The following SEMA3E variants were observed in gnomAD, a reference collection of about 807,000 sequenced individuals.
SEMA3E encodes the protein semaphorin 3E, also known as semaphorin-3E.
In SEMA3E, 49 loss-of-function variants were observed where a neutral mutation model predicts 93.6. The observed-to-expected ratio is 0.52, with a 90% CI of 0.42 to 0.66. The LOEUF is 0.66. Ranked by LOEUF, SEMA3E falls within the 30% of genes least tolerant of loss-of-function variation. The pLI, the probability that SEMA3E is intolerant of heterozygous loss-of-function variation, is 0.00. For synonymous variants in SEMA3E, 363 were observed against 330.7 expected, an observed-to-expected ratio of 1.10 and a Z score of -1.06; for missense variants, 906 against 964.8, an observed-to-expected ratio of 0.94 and a Z score of 0.81.
chr7:83,490,623 T>A (rs1487155310), intron 1 of SEMA3E, among the ~76,000 whole-genome samples: 1 of 152,028 alleles, frequency 6.6e-6, no homozygotes, highest in Non-Finnish European at 1.5e-5. Context: ...CCAGAGTGTG[T>A]TTATTAAATT....
chr7:83,438,381 C>A (rs1268236927), intron 4 of SEMA3E, among the ~76,000 whole-genome samples: 1 of 151,896 alleles, frequency 6.6e-6, no homozygotes, highest in African/African-American at 2.4e-5. Flanking sequence ...CAAAGCAGGC[C>A]CATACTTAAA....
chr7:83,630,740 C>T (rs1161505401), intron 1 of SEMA3E, among the ~76,000 whole-genome samples: 2 of 151,892 alleles, frequency 1.3e-5, no homozygotes, highest in African/African-American at 4.8e-5. Context: ...CTCAAAATTC[C>T]AAGACAGTAT....
chr7:83,463,133 T>C (rs1290038660), intron 4 of SEMA3E, among the ~76,000 whole-genome samples: 1 of 148,458 alleles, frequency 6.7e-6, no homozygotes, highest in Non-Finnish European at 1.5e-5. Context: ...CTCCCTGCAA[T>C]CGTGTCCGAC....
At position 83,363,860 on chromosome 7, in the gene SEMA3E, A is replaced by ACTTTTT. The variant is rs1794622262; in HGVS notation, c.*3725_*3726insAAAAAG. The ACTTTTT allele has an allele frequency of 1.3e-5, 1 of 76,922 alleles. No homozygotes were observed. Among genetic ancestry groups the ACTTTTT allele is most frequent in the African/African-American group, 5.0e-5 (1 of 20,066 alleles). The allele number at this position is 76,922 out of a possible 1,614,324, so 4.8% of individuals were successfully genotyped here. A position where few individuals can be genotyped will look rare whatever the true frequency, so the allele number is the denominator to read the frequency against. On this transcript the variant is annotated 3_prime_UTR_variant, in exon 17 of 17. Coordinates refer to ENST00000643230, the MANE Select transcript of SEMA3E (RefSeq NM_012431.3). Reference sequence around the variant, plus strand: ...GGCTACAGGTGTCACAGGTCAATTCATTTTTTTTTTTTTTTTTTTTTTTTT... The same window carrying ACTTTTT: ...GGCTACAGGTGTCACAGGTCAATTCACTTTTTTTTTTTTTTTTTTTTTTTTTTTTTT...
At chr7:83,383,184 G>T (rs1292877880) in intron 16 of SEMA3E, among the ~76,000 whole-genome samples, 2 of 151,236 alleles carry the variant, frequency 1.3e-5, no homozygotes. Context: ...TTAACTAGGT[G>T]AAAATAAATA....
chr7:83,597,246 T>C (rs1033565708), intron 1 of SEMA3E, among the ~76,000 whole-genome samples: 2 of 152,120 alleles, frequency 1.3e-5, no homozygotes, highest in Non-Finnish European at 2.9e-5. Context: ...ACCAAAGACA[T>C]TTAAAATTAT....
chr7:83,645,891 T>C (rs1026680251), intron 1 of SEMA3E, among the ~76,000 whole-genome samples: 4 of 152,040 alleles, frequency 2.6e-5, no homozygotes, highest in Admixed American at 2.6e-4. Flanking sequence ...AACATATTTT[T>C]ATATAATTTA....
At chr7:83,403,178 C>T (rs1788264128) in intron 9 of SEMA3E, among the ~76,000 whole-genome samples, 1 of 151,952 alleles carries the variant, frequency 6.6e-6, no homozygotes, top group Non-Finnish European at 1.5e-5. Flanking sequence ...ACAGTGTCCT[C>T]TTACTCACTA....
At chr7:83,482,054 A>G (rs1296846231) in intron 2 of SEMA3E, among the ~76,000 whole-genome samples, 1 of 152,130 alleles carries the variant, frequency 6.6e-6, no homozygotes, top group East Asian at 1.9e-4. Flanking sequence ...AAACACAGAT[A>G]TTATTTACAC....
At chr7:83,598,810 T>C (rs748891133) in intron 1 of SEMA3E, among the ~76,000 whole-genome samples, 2 of 152,214 alleles carry the variant, frequency 1.3e-5, no homozygotes, top group Admixed American at 6.5e-5. Flanking sequence ...TCATCACTTA[T>C]CTCATTACAT....
chr7:83,512,078 T>A (rs1158985724), intron 1 of SEMA3E, among the ~76,000 whole-genome samples: 1 of 152,094 alleles, frequency 6.6e-6, no homozygotes. Context: ...AATAAAAAAA[T>A]TATCATTTCA....
chr7:83,382,791 C>T (rs763082461), intron 16 of SEMA3E, among the ~76,000 whole-genome samples: 6 of 151,632 alleles, frequency 4.0e-5, no homozygotes, highest in Non-Finnish European at 8.8e-5. Context: ...GTTCCATTTG[C>T]TTTGTTTAAG....
At chr7:83,503,985 G>A (rs556499343) in intron 1 of SEMA3E, among the ~76,000 whole-genome samples, 63 of 152,090 alleles carry the variant, frequency 4.1e-4, no homozygotes, top group African/African-American at 1.4e-3. Flanking sequence ...AATAAAGACC[G>A]TCAGTCTTAT....
At chr7:83,643,192 C>T (rs1794036832) in intron 1 of SEMA3E, among the ~76,000 whole-genome samples, 1 of 152,008 alleles carries the variant, frequency 6.6e-6, no homozygotes, top group Admixed American at 6.6e-5. Flanking sequence ...AACAGAGGCC[C>T]TCTCTGTGTA....
intron 1 of SEMA3E, among the ~76,000 whole-genome samples, chr7:83,632,693 T>C (rs1793810162): frequency 6.6e-6 from 1 of 152,204 alleles, no homozygotes; most frequent in African/African-American, 2.4e-5. Flanking sequence ...AATGAACTAA[T>C]ATACTATCTT....
At chr7:83,552,183 A>G (rs150390181) in intron 1 of SEMA3E, among the ~76,000 whole-genome samples, 111 of 152,310 alleles carry the variant, frequency 7.3e-4, no homozygotes, top group African/African-American at 2.6e-3. Context: ...TGTTGCAGGA[A>G]GTCAGGGACC....
intron 1 of SEMA3E, among the ~76,000 whole-genome samples, chr7:83,578,259 C>T (rs1388282922): frequency 1.3e-5 from 2 of 151,898 alleles, no homozygotes; most frequent in South Asian, 4.1e-4. Context: ...CATTGCTATG[C>T]CAATGAATTT....
chr7:83,475,320 C>T (rs1789987659), intron 2 of SEMA3E, among the ~76,000 whole-genome samples: 1 of 152,084 alleles, frequency 6.6e-6, no homozygotes, highest in Non-Finnish European at 1.5e-5. Context: ...GGGGTTAATT[C>T]TCCATAGCGT....
At chr7:83,410,217 T>C (rs1010190568) in intron 5 of SEMA3E, among the ~76,000 whole-genome samples, 3 of 151,942 alleles carry the variant, frequency 2.0e-5, no homozygotes, top group Non-Finnish European at 4.4e-5. Flanking sequence ...ATATTCTAAA[T>C]GAGAGAGGAA....
Sources: gnomAD v4.1 joint callset for allele counts (sites outside exome capture counted in the v4.1 genomes callset) on GRCh38, gnomAD v4.1.1 for gene constraint, MANE v1.5 for transcripts, NCBI Gene and HGNC (gene_info 2026-07-23, HGNC 2026-07-21) for gene names.